The following GALNT13 variants were observed in gnomAD, a reference collection of about 807,000 sequenced individuals.
GALNT13 encodes the protein polypeptide N-acetylgalactosaminyltransferase 13.
Under a neutral mutation model 64.2 loss-of-function variants are expected in GALNT13, and 28 were observed. The observed-to-expected ratio is 0.44, with a 90% confidence interval of 0.32 to 0.60. The LOEUF (loss-of-function observed/expected upper bound fraction) is 0.60, where lower values mean the gene tolerates loss of function less well. Among genes scored for constraint, GALNT13 ranks in the 20% least tolerant of loss-of-function variants. GALNT13 has a pLI of 0.05. For missense variants in GALNT13, 577 were observed against 669.8 expected, an observed-to-expected ratio of 0.86 and a Z score of 1.53; for synonymous variants, 214 against 224.6, an observed-to-expected ratio of 0.95 and a Z score of 0.42.
the GALNT13 span, among the ~76,000 whole-genome samples, chr2:153,709,698 C>T: frequency 1.3e-5 from 2 of 151,996 alleles, no homozygotes; most frequent in African/African-American, 4.8e-5. Context: ...CTCCTATGTT[C>T]ATTGCAGCTC....
chr2:153,800,723 C>T, the GALNT13 span, among the ~76,000 whole-genome samples: 1 of 152,128 alleles, frequency 6.6e-6, no homozygotes, highest in Non-Finnish European at 1.5e-5. Context: ...GCAACTCATT[C>T]GTTGAAGCTT....
intron 4 of GALNT13, among the ~76,000 whole-genome samples, chr2:154,226,885 T>C (rs1296974760): frequency 6.6e-6 from 1 of 152,174 alleles, no homozygotes; most frequent in African/African-American, 2.4e-5. Context: ...ATTTTATATT[T>C]ATTGGCATTA....
the GALNT13 span, among the ~76,000 whole-genome samples, chr2:153,678,062 T>TG: frequency 0.015 from 1,241 of 82,366 alleles, 12 homozygotes; most frequent in Middle Eastern, 0.034. Flanking sequence ...TTCTGCTAAG[T>TG]GAAAAAACAA....
intron 3 of GALNT13, among the ~76,000 whole-genome samples, chr2:153,948,552 A>G (rs1691939137): frequency 1.3e-5 from 2 of 152,170 alleles, no homozygotes; most frequent in South Asian, 4.1e-4. Flanking sequence ...AGAGACATCC[A>G]TGCATATGTT....
chr2:154,079,114 A>G (rs1473066500), intron 3 of GALNT13, among the ~76,000 whole-genome samples: 1 of 151,698 alleles, frequency 6.6e-6, no homozygotes, highest in African/African-American at 2.4e-5. Flanking sequence ...GTTTGTTGGC[A>G]GCTCTACTGG....
intron 3 of GALNT13, among the ~76,000 whole-genome samples, chr2:154,070,431 G>A (rs751906853): frequency 1.4e-4 from 21 of 151,974 alleles, no homozygotes; most frequent in South Asian, 4.1e-4. Context: ...CTAAATTAGC[G>A]TAAAAAGCAA....
chr2:154,360,620 A>G (rs1022468331), intron 9 of GALNT13, among the ~76,000 whole-genome samples: 1 of 152,180 alleles, frequency 6.6e-6, no homozygotes, highest in Admixed American at 6.6e-5. Context: ...AGAGTGATAC[A>G]AATTTGCAAC....
the GALNT13 span, among the ~76,000 whole-genome samples, chr2:153,431,106 T>C: frequency 6.7e-6 from 1 of 149,578 alleles, no homozygotes; most frequent in East Asian, 2.0e-4. Context: ...GCCGAGATTG[T>C]GCCACTGCAC....
chr2:154,209,759 T>C (rs1313012983), intron 4 of GALNT13, among the ~76,000 whole-genome samples: 2 of 152,198 alleles, frequency 1.3e-5, no homozygotes, highest in Non-Finnish European at 2.9e-5. Context: ...TGTATGTTTT[T>C]GTGAGGTAAA....
At chr2:153,595,862 G>A in the GALNT13 span, among the ~76,000 whole-genome samples, 5 of 152,154 alleles carry the variant, frequency 3.3e-5, no homozygotes, top group African/African-American at 1.2e-4. Context: ...CTTGTTCTGA[G>A]TGTACCAAAC....
the GALNT13 span, among the ~76,000 whole-genome samples, chr2:153,640,346 A>G: frequency 6.6e-6 from 1 of 152,180 alleles, no homozygotes; most frequent in Non-Finnish European, 1.5e-5. Context: ...TCTAAGAAAG[A>G]GTGGTGGTCC....
At chr2:154,044,715 G>A (rs949597293) in intron 3 of GALNT13, among the ~76,000 whole-genome samples, 1 of 152,182 alleles carries the variant, frequency 6.6e-6, no homozygotes, top group Non-Finnish European at 1.5e-5. Flanking sequence ...TGAAGGGGAA[G>A]GAGAATGAAG....
intron 12 of GALNT13, among the ~76,000 whole-genome samples, chr2:154,442,899 A>G (rs985168632): frequency 1.3e-5 from 2 of 152,166 alleles, no homozygotes; most frequent in African/African-American, 2.4e-5. Flanking sequence ...GTTGACTTAG[A>G]AAATACTTGT....
chr2:153,805,025 A>G, the GALNT13 span, among the ~76,000 whole-genome samples: 1 of 151,994 alleles, frequency 6.6e-6, no homozygotes, highest in Non-Finnish European at 1.5e-5. Flanking sequence ...GTAAATGAGC[A>G]TAAATTATGA....
At chr2:153,492,932 T>G in the GALNT13 span, among the ~76,000 whole-genome samples, 2 of 151,820 alleles carry the variant, frequency 1.3e-5, no homozygotes, top group Admixed American at 1.3e-4. Flanking sequence ...ACAAACAATT[T>G]CTAAATTATT....
the GALNT13 span, among the ~76,000 whole-genome samples, chr2:153,370,018 T>C: frequency 6.6e-6 from 1 of 152,120 alleles, no homozygotes; most frequent in Admixed American, 6.6e-5. Flanking sequence ...TAGGTATAAT[T>C]TGATATGCAG....
the GALNT13 span, among the ~76,000 whole-genome samples, chr2:153,200,349 A>G: frequency 6.6e-6 from 1 of 152,240 alleles, no homozygotes; most frequent in Admixed American, 6.5e-5. Flanking sequence ...AACTAGTGGT[A>G]AAGTTGGTGG....
chr2:153,116,003 T>C, the GALNT13 span, among the ~76,000 whole-genome samples: 2 of 152,184 alleles, frequency 1.3e-5, no homozygotes, highest in Non-Finnish European at 2.9e-5. Context: ...CATTAACATT[T>C]CAGCTGTGTT....
At chr2:154,384,629 A>T (rs1448642883) in intron 9 of GALNT13, among the ~76,000 whole-genome samples, 1 of 151,910 alleles carries the variant, frequency 6.6e-6, no homozygotes, top group Non-Finnish European at 1.5e-5. Flanking sequence ...ATATACATAA[A>T]AATATAAGCA....
Sources: allele counts gnomAD v4.1 joint callset (sites outside exome capture counted in the v4.1 genomes callset), GRCh38; gene constraint gnomAD v4.1.1; transcripts MANE v1.5; gene names NCBI Gene and HGNC (gene_info 2026-07-23, HGNC 2026-07-21).